The following CNGB3 variants were observed in gnomAD, a reference collection of about 807,000 sequenced individuals.
CNGB3 encodes cyclic nucleotide-gated channel beta-3.
Under a neutral mutation model 92.8 loss-of-function variants are expected in CNGB3, and 86 were observed. The ratio of observed to expected loss-of-function variants is 0.93; its 90% CI spans 0.78 to 1.11. The LOEUF (loss-of-function observed/expected upper bound fraction) is 1.11. Among genes scored for constraint, CNGB3 ranks in the 50% least tolerant of loss-of-function variants. CNGB3 has a pLI of 0.00. For synonymous variants in CNGB3, 333 were observed against 332.7 expected, an observed-to-expected ratio of 1.00 and a Z score of -0.01; for missense variants, 1,026 against 956.8, an observed-to-expected ratio of 1.07 and a Z score of -0.95.
rs1228857746 is a variant in CNGB3, at chr8:86,589,834, T to C, written c.1782-10582A>G. Among the ~76,000 whole-genome samples, 38 of 151,972 alleles carry C rather than the reference T, an allele frequency of 2.5e-4. No homozygotes were observed. In the East Asian group the frequency reaches 6.8e-3, roughly 27 times the overall value. ...TATTCTGTTGATTTGGGGTGGAGAGTTCTGTAGATGTCTATTGGGTCTGCT... is the reference window on the plus strand; with the variant it reads ...TATTCTGTTGATTTGGGGTGGAGAGCTCTGTAGATGTCTATTGGGTCTGCT... On this transcript the variant is annotated intron_variant, in intron 15 of 17. Coordinates refer to ENST00000320005, the MANE Select transcript of CNGB3 (RefSeq NM_019098.5).
intron 3 of CNGB3, among the ~76,000 whole-genome samples, chr8:86,719,202 T>C (rs1824919951): frequency 6.6e-6 from 1 of 152,064 alleles, no homozygotes; most frequent in Admixed American, 6.6e-5. Flanking sequence ...AACAAGGGCA[T>C]CCGTATCAGT....
chr8:86,640,547 TTC>T (rs1320907955), intron 10 of CNGB3, among the ~76,000 whole-genome samples: 1 of 152,098 alleles, frequency 6.6e-6, no homozygotes, highest in African/African-American at 2.4e-5. Context: ...TCCGTTTTTG[TTC>T]TCTGTTTCTG....
intron 3 of CNGB3, among the ~76,000 whole-genome samples, chr8:86,722,943 C>T (rs1729288396): frequency 6.6e-6 from 1 of 152,106 alleles, no homozygotes; most frequent in Admixed American, 6.6e-5. Context: ...GACTCTCAGC[C>T]TCCATAATCG....
intron 9 of CNGB3, 127 bp from the exon 10 acceptor site, chr8:86,644,000 A>C: frequency 5.6e-6 from 5 of 895,056 alleles, no homozygotes; most frequent in Non-Finnish European, 8.7e-6. Flanking sequence ...GTTAACTCTC[A>C]TTAGTACAGT....
rs772854845 is a variant in CNGB3 at position 86,579,177 on chromosome 8, T to C, written c.1857A>G (p.Leu619=). ...VAHGFANLLT[L]DKKTLQEILV... is the part of the protein sequence containing the mutation. Reference sequence around the variant, plus strand: ...GAATTTCTTGGAGGGTCTTTTTGTCTAGAGTTAAAAGATTGGCAAACCCGT... The same window carrying C: ...GAATTTCTTGGAGGGTCTTTTTGTCCAGAGTTAAAAGATTGGCAAACCCGT... Residue 619 remains leucine (L), a synonymous_variant, in exon 16 of 18, where the codon CTA becomes CTG. Coordinates refer to ENST00000320005, the MANE Select transcript of CNGB3 (RefSeq NM_019098.5). 1.9e-6 allele frequency: 3 copies of C among 1,614,048 alleles called. No individual in the cohort carries two copies. The highest frequency in any genetic ancestry group is 2.5e-6 in the Non-Finnish European group (3 of 1,180,022).
intron 3 of CNGB3, among the ~76,000 whole-genome samples, chr8:86,691,235 CTT>C (rs773156419): frequency 2.4e-4 from 36 of 152,196 alleles, no homozygotes; most frequent in Admixed American, 3.9e-4. Context: ...TAATCTGAAA[CTT>C]TACTGAATTC....
intron 11 of CNGB3, 89 bp from the exon 12 acceptor site, chr8:86,629,167 C>T (rs974229413): frequency 1.5e-6 from 2 of 1,337,856 alleles, no homozygotes; most frequent in Admixed American, 1.7e-5. Context: ...GATATACTTC[C>T]TTCTAATGCC....
At chr8:86,698,423 G>T (rs959040077) in intron 3 of CNGB3, among the ~76,000 whole-genome samples, 10 of 152,168 alleles carry the variant, frequency 6.6e-5, no homozygotes, top group African/African-American at 1.9e-4. Context: ...ACTTGGTGGA[G>T]GCTTTAATTG....
intron 6 of CNGB3, chr8:86,657,741 T>TGCAGCTCCA (rs1554613112): frequency 1.7e-5 from 8 of 471,906 alleles, no homozygotes; most frequent in African/African-American, 4.0e-5. Flanking sequence ...CTGCAGCTCC[T>TGCAGCTCCA]GCAGCTCCAG....
chr8:86,595,697 A>G (rs10100253), intron 15 of CNGB3, among the ~76,000 whole-genome samples: 132,013 of 152,016 alleles, frequency 0.87, 57,504 homozygotes, highest in Non-Finnish European at 0.9. Flanking sequence ...TTTAGGAAAG[A>G]GGAAAAAAGG....
chr8:86,595,295 A>G (rs1383441194), intron 15 of CNGB3, among the ~76,000 whole-genome samples: 1 of 152,254 alleles, frequency 6.6e-6, no homozygotes, highest in Non-Finnish European at 1.5e-5. Flanking sequence ...AGACATGTCA[A>G]GGTATGACTC....
chr8:86,694,160 T>A (rs1824387478), intron 3 of CNGB3, among the ~76,000 whole-genome samples: 1 of 128,084 alleles, frequency 7.8e-6, no homozygotes, highest in African/African-American at 3.0e-5. Flanking sequence ...ACGGGGCGGC[T>A]GGCCGGGCGG....
Position 86,629,949 on chromosome 8 carries a change from T to C in CNGB3, c.1321-871A>G, listed in dbSNP as rs111433809. Among the ~76,000 whole-genome samples the C allele has an allele frequency of 7.5e-4, 114 of 152,290 alleles. 1 individual carries two copies. In the South Asian group the frequency reaches 0.012, roughly 16 times the overall value. On this transcript the variant is annotated intron_variant, in intron 11 of 17. Coordinates refer to ENST00000320005, the MANE Select transcript of CNGB3 (RefSeq NM_019098.5). ...AGGGAGGAAAACCAGGGCCTCACTT[T>C]CACACTCCTAAGACTTTGCTCATTC...
At chr8:86,585,180 A>G (rs1009358833) in intron 15 of CNGB3, among the ~76,000 whole-genome samples, 1 of 152,204 alleles carries the variant, frequency 6.6e-6, no homozygotes, top group African/African-American at 2.4e-5. Context: ...GGGACTGTGT[A>G]AGATAACTTG....
chr8:86,614,078 T>C (rs896525295), intron 13 of CNGB3, among the ~76,000 whole-genome samples: 4 of 151,840 alleles, frequency 2.6e-5, no homozygotes, highest in African/African-American at 9.7e-5. Flanking sequence ...TAATTTTATG[T>C]TGCCTTGGCA....
At chr8:86,671,341 T>C (rs1823858984) in intron 3 of CNGB3, among the ~76,000 whole-genome samples, 1 of 152,216 alleles carries the variant, frequency 6.6e-6, no homozygotes, top group Non-Finnish European at 1.5e-5. Context: ...TGGATCTTGA[T>C]GACAGTGATT....
chr8:86,695,123 C>T (rs1459483850), intron 3 of CNGB3, among the ~76,000 whole-genome samples: 2 of 150,832 alleles, frequency 1.3e-5, no homozygotes, highest in African/African-American at 2.4e-5. Flanking sequence ...AGCGAAACCC[C>T]GTCTCCACCA....
At chr8:86,595,242 A>G (rs1024461604) in intron 15 of CNGB3, among the ~76,000 whole-genome samples, 1 of 152,214 alleles carries the variant, frequency 6.6e-6, no homozygotes, top group Non-Finnish European at 1.5e-5. Context: ...GCCCCTGGAT[A>G]TTAGGAAAAA....
At chr8:86,690,314 T>C (rs1341998137) in intron 3 of CNGB3, among the ~76,000 whole-genome samples, 11 of 152,246 alleles carry the variant, frequency 7.2e-5, no homozygotes, top group Non-Finnish European at 1.5e-4. Context: ...TGATGGCCAG[T>C]GATGATGAGC....
Sources: allele counts gnomAD v4.1 joint callset (sites outside exome capture counted in the v4.1 genomes callset), GRCh38; gene constraint gnomAD v4.1.1; transcripts MANE v1.5; gene names NCBI Gene and HGNC (gene_info 2026-07-23, HGNC 2026-07-21).